The following BNC2 variants were observed in gnomAD, a reference collection of about 807,000 sequenced individuals.
BNC2 encodes basonuclin zinc finger protein 2, also known as zinc finger protein basonuclin-2.
BNC2 carries 20 observed loss-of-function variants against 76.3 expected under a neutral mutation model. That is an observed-to-expected ratio of 0.26 (90% CI 0.18 to 0.38). The LOEUF (loss-of-function observed/expected upper bound fraction) is 0.38, where lower values mean the gene tolerates loss of function less well. Among genes scored for constraint, BNC2 ranks in the 10% least tolerant of loss-of-function variants. The pLI, the probability that BNC2 is intolerant of heterozygous loss-of-function variation, is 1.00. For synonymous variants in BNC2, 582 were observed against 514.8 expected, an observed-to-expected ratio of 1.13 and a Z score of -1.77; for missense variants, 1,382 against 1,399.8, an observed-to-expected ratio of 0.99 and a Z score of 0.20.
intron 1 of BNC2, among the ~76,000 whole-genome samples, chr9:16,743,304 TTTTAC>T (rs1159418558): frequency 6.6e-6 from 1 of 152,060 alleles, no homozygotes; most frequent in African/African-American, 2.4e-5. Flanking sequence ...AGAGGAGACT[TTTTAC>T]TTTTTTTTTT....
Position 16,819,718 on chromosome 9 carries a change from T to C in BNC2, c.3+50928A>G, listed in dbSNP as rs558621004. On this transcript the variant is annotated intron_variant, in intron 1 of 6. Coordinates refer to ENST00000380672, the MANE Select transcript of BNC2 (RefSeq NM_017637.6). ...CAGAAATTCAAAAGATCATATACTA[T>C]TAAGACTACCTTTATGTTTCATGCC... 7.9e-5 allele frequency among the ~76,000 whole-genome samples: 12 copies of C among 152,244 alleles called. No individual in the cohort carries two copies. In the South Asian group the frequency reaches 2.5e-3, roughly 32 times the overall value.
chr9:16,486,270 G>A (rs1280029034), intron 5 of BNC2, among the ~76,000 whole-genome samples: 1 of 152,218 alleles, frequency 6.6e-6, no homozygotes, highest in Non-Finnish European at 1.5e-5. Context: ...GGAAAATGAA[G>A]ACCTGGGTAT....
chr9:16,652,655 A>C (rs528909170), intron 3 of BNC2, among the ~76,000 whole-genome samples: 1 of 152,320 alleles, frequency 6.6e-6, no homozygotes, highest in East Asian at 1.9e-4. Flanking sequence ...TGATATCATC[A>C]CTTTTCTTCC....
At chr9:16,557,629 G>GT (rs1818878259) in intron 4 of BNC2, among the ~76,000 whole-genome samples, 1 of 151,924 alleles carries the variant, frequency 6.6e-6, no homozygotes. Context: ...ATCCAATCAG[G>GT]TATTACTCCC....
chr9:16,717,727 T>G (rs1214546074), intron 3 of BNC2, among the ~76,000 whole-genome samples: 3 of 152,214 alleles, frequency 2.0e-5, no homozygotes, highest in Non-Finnish European at 4.4e-5. Flanking sequence ...CTCCTTCTAT[T>G]AATCACTCTA....
In BNC2 at chr9:16,437,482, G is replaced by C; in HGVS notation, c.712C>G (p.Arg238Gly). 1 of 1,613,490 alleles carries C rather than the reference G, an allele frequency of 6.2e-7. No individual in the cohort carries two copies. Among genetic ancestry groups the C allele is most frequent in the Non-Finnish European group, 8.5e-7 (1 of 1,179,968 alleles). The part of the protein sequence containing the change: ...KVLDRWAIMS[R>G]EEEIITLQQF... Reference sequence around the variant, plus strand: ...TGAAGGGTGATGATTTCCTCTTCTCGAGACATGATGGCCCAGCGGTCCAGC... The same window carrying C: ...TGAAGGGTGATGATTTCCTCTTCTCCAGACATGATGGCCCAGCGGTCCAGC... Residue 238 changes from arginine to glycine, a missense_variant, in exon 6 of 7, where the codon CGA becomes GGA. By Grantham distance (125) the Arg-to-Gly change is moderately radical (BLOSUM62 -2). Coordinates refer to ENST00000380672, the MANE Select transcript of BNC2 (RefSeq NM_017637.6).
intron 1 of BNC2, among the ~76,000 whole-genome samples, chr9:16,851,951 C>T (rs182555694): frequency 1.1e-4 from 17 of 152,016 alleles, no homozygotes; most frequent in Non-Finnish European, 1.0e-4. Flanking sequence ...TTAAATAAAA[C>T]ATATAGATAT....
chr9:16,737,237 CCTTTT>C (rs1316009336), intron 2 of BNC2, among the ~76,000 whole-genome samples: 2 of 112,964 alleles, frequency 1.8e-5, no homozygotes, highest in East Asian at 5.3e-4. Context: ...CCACACCTGG[CCTTTT>C]TTTTTTTTTT....
intron 3 of BNC2, among the ~76,000 whole-genome samples, chr9:16,663,453 T>C (rs927765188): frequency 6.6e-6 from 1 of 152,064 alleles, no homozygotes; most frequent in Non-Finnish European, 1.5e-5. Flanking sequence ...CTAATACAAA[T>C]ATGAGTTCTT....
Position 16,771,038 on chromosome 9 carries a change from G to A in BNC2, c.4-32553C>T, listed in dbSNP as rs150481590. Among the ~76,000 whole-genome samples the A allele has an allele frequency of 3.2e-3, 488 of 152,162 alleles. 2 individuals are homozygous for A. Among genetic ancestry groups the A allele is most frequent in the Non-Finnish European group, 3.5e-3 (239 of 67,992 alleles). On this transcript the variant is annotated intron_variant, in intron 1 of 6. Coordinates refer to ENST00000380672, the MANE Select transcript of BNC2 (RefSeq NM_017637.6). ...TACAAAATTAGCTGAGCATGGTGCC[G>A]CATGCCTGTAATCCCAGCTACTCAG...
chr9:16,470,870 G>C (rs1821808370), intron 5 of BNC2, among the ~76,000 whole-genome samples: 1 of 152,246 alleles, frequency 6.6e-6, no homozygotes, highest in African/African-American at 2.4e-5. Flanking sequence ...TAGGGAAGGA[G>C]ACCCCACACA....
chr9:16,566,443 T>G (rs1196227643), intron 4 of BNC2, among the ~76,000 whole-genome samples: 2 of 152,088 alleles, frequency 1.3e-5, no homozygotes, highest in African/African-American at 2.4e-5. Flanking sequence ...TAAGTGAAGG[T>G]GGGTAATTAA....
chr9:16,768,267 G>A (rs10756811), intron 1 of BNC2, among the ~76,000 whole-genome samples: 13 of 151,806 alleles, frequency 8.6e-5, no homozygotes, highest in African/African-American at 3.1e-4. Flanking sequence ...TGACAGGCCA[G>A]TGTATGCAAT....
At chr9:16,832,295 T>A (rs747945847) in intron 1 of BNC2, 1 of 1,281,540 alleles carries the variant, frequency 7.8e-7, no homozygotes, top group Non-Finnish European at 1.0e-6. Flanking sequence ...TCATGTGTCA[T>A]GTTATCAAGG....
chr9:16,813,784 G>C (rs769639692), intron 1 of BNC2, among the ~76,000 whole-genome samples: 1 of 152,130 alleles, frequency 6.6e-6, no homozygotes, highest in Non-Finnish European at 1.5e-5. Context: ...AAAGAACATA[G>C]GTTTTTCACT....
At chr9:16,485,999 T>C (rs964502999) in intron 5 of BNC2, among the ~76,000 whole-genome samples, 3 of 152,120 alleles carry the variant, frequency 2.0e-5, no homozygotes, top group African/African-American at 7.2e-5. Context: ...TCCTGAATGT[T>C]CCCATCTTCT....
intron 5 of BNC2, among the ~76,000 whole-genome samples, chr9:16,522,790 A>G (rs891402581): frequency 2.0e-5 from 3 of 152,122 alleles, no homozygotes; most frequent in African/African-American, 7.2e-5. Context: ...ACATCCACCG[A>G]TTTGGACCTG....
intron 4 of BNC2, among the ~76,000 whole-genome samples, chr9:16,582,745 A>G (rs1049051784): frequency 6.6e-6 from 1 of 152,198 alleles, no homozygotes; most frequent in African/African-American, 2.4e-5. Flanking sequence ...CAACTGTCCT[A>G]TAAACATCTT....
intron 3 of BNC2, among the ~76,000 whole-genome samples, chr9:16,711,169 C>A (rs572034759): frequency 2.0e-5 from 3 of 152,074 alleles, no homozygotes; most frequent in Non-Finnish European, 4.4e-5. Context: ...GAAAGAGAAA[C>A]GCAAGAGCAA....
Sources: allele counts gnomAD v4.1 joint callset (sites outside exome capture counted in the v4.1 genomes callset), GRCh38; gene constraint gnomAD v4.1.1; transcripts MANE v1.5; gene names NCBI Gene and HGNC (gene_info 2026-07-23, HGNC 2026-07-21).